Variants in KHDRBS2 observed in about 807,000 individuals in gnomAD.
KHDRBS2 encodes KH RNA binding domain containing, signal transduction associated 2, also known as KH domain-containing, RNA-binding, signal transduction-associated protein 2.
A neutral mutation model predicts 44.3 loss-of-function variants in KHDRBS2; 26 were observed. The ratio of observed to expected loss-of-function variants is 0.59; its 90% CI spans 0.43 to 0.81. The LOEUF is 0.81. Among genes scored for constraint, KHDRBS2 ranks in the 40% least tolerant of loss-of-function variants. KHDRBS2 has a pLI of 0.00. For synonymous variants in KHDRBS2, 194 were observed against 151.1 expected, an observed-to-expected ratio of 1.28 and a Z score of -2.08; for missense variants, 476 against 433.1, an observed-to-expected ratio of 1.10 and a Z score of -0.88.
At chr6:62,087,270 G>A (rs1203105342) in intron 2 of KHDRBS2, among the ~76,000 whole-genome samples, 3 of 151,978 alleles carry the variant, frequency 2.0e-5, no homozygotes, top group Non-Finnish European at 4.4e-5. Context: ...TGTTTTTCAC[G>A]ATTCTAAACA....
intron 6 of KHDRBS2, among the ~76,000 whole-genome samples, chr6:61,779,042 G>A (rs1329069116): frequency 2.6e-5 from 4 of 152,084 alleles, no homozygotes; most frequent in African/African-American, 9.7e-5. Context: ...TTTAAGGAAA[G>A]AACTGGGGGC....
chr6:61,652,137 T>G, the KHDRBS2 span: 1 of 152,106 alleles, frequency 6.6e-6, no homozygotes, highest in Non-Finnish European at 1.5e-5. Context: ...CTCCTCTCTA[T>G]GCTTTTTGTT....
chr6:62,016,409 C>T (rs987118029), intron 3 of KHDRBS2, among the ~76,000 whole-genome samples: 2 of 151,356 alleles, frequency 1.3e-5, no homozygotes, highest in African/African-American at 4.9e-5. Context: ...TACTTGATAA[C>T]TGTTGACTTT....
chr6:61,560,432 A>T, the KHDRBS2 span, among the ~76,000 whole-genome samples: 1 of 152,044 alleles, frequency 6.6e-6, no homozygotes, highest in South Asian at 2.1e-4. Flanking sequence ...TAAGTCCAAC[A>T]ACTCTTAGGT....
At chr6:61,850,772 C>T (rs1271980855) in intron 6 of KHDRBS2, among the ~76,000 whole-genome samples, 1 of 152,018 alleles carries the variant, frequency 6.6e-6, no homozygotes, top group Admixed American at 6.6e-5. Flanking sequence ...TGAGGCAATA[C>T]CTTTGAAGGA....
chr6:61,944,832 T>C (rs568784363), intron 4 of KHDRBS2, among the ~76,000 whole-genome samples: 1 of 151,774 alleles, frequency 6.6e-6, no homozygotes, highest in African/African-American at 2.4e-5. Context: ...GGCTCACGCC[T>C]GAAATCCCAG....
At chr6:61,981,010 T>G (rs1267956048) in intron 3 of KHDRBS2, among the ~76,000 whole-genome samples, 1 of 152,138 alleles carries the variant, frequency 6.6e-6, no homozygotes. Flanking sequence ...TGCCCTCTCA[T>G]AAATACATAT....
intron 1 of KHDRBS2, among the ~76,000 whole-genome samples, chr6:62,181,026 C>CA (rs58140494): frequency 5.1e-4 from 70 of 138,236 alleles, no homozygotes; most frequent in East Asian, 3.6e-3. Flanking sequence ...TTACACTGCA[C>CA]AAAAAAAAAA....
the KHDRBS2 span, among the ~76,000 whole-genome samples, chr6:61,554,890 T>A: frequency 6.6e-6 from 1 of 152,218 alleles, no homozygotes; most frequent in Admixed American, 6.5e-5. Flanking sequence ...GTTAGCCTGA[T>A]GGGGTTCCCT....
At chr6:62,070,571 T>C (rs1794796909) in intron 2 of KHDRBS2, among the ~76,000 whole-genome samples, 1 of 151,926 alleles carries the variant, frequency 6.6e-6, no homozygotes, top group South Asian at 2.1e-4. Context: ...TTCCCACCTA[T>C]GAGTGAGAAC....
chr6:62,113,063 G>A (rs1424793857), intron 2 of KHDRBS2, among the ~76,000 whole-genome samples: 1 of 151,988 alleles, frequency 6.6e-6, no homozygotes, highest in Non-Finnish European at 1.5e-5. Flanking sequence ...TTTGGTTAAA[G>A]CCAATGAAGC....
In KHDRBS2 at chr6:61,927,257, G is replaced by T. The variant is rs1311169493; in HGVS notation, c.484-25886C>A. Reference sequence around the variant, plus strand: ...GAAAGTACAACTTTGGCACATAATAGATTTACAGATTTATTTTCAAAAAAC... The same window carrying T: ...GAAAGTACAACTTTGGCACATAATATATTTACAGATTTATTTTCAAAAAAC... On this transcript the variant is annotated intron_variant, in intron 4 of 8. Transcript: ENST00000281156. 2.6e-5 allele frequency among the ~76,000 whole-genome samples: 4 copies of T among 151,946 alleles called. No homozygotes were observed. In the East Asian group the frequency reaches 7.7e-4, roughly 29 times the overall value.
intron 2 of KHDRBS2, among the ~76,000 whole-genome samples, chr6:62,132,837 A>C (rs1810647252): frequency 6.6e-6 from 1 of 152,342 alleles, no homozygotes; most frequent in East Asian, 1.9e-4. Context: ...CATCAAGCCC[A>C]GAAATCATAT....
At chr6:61,845,606 C>T (rs1292810193) in intron 6 of KHDRBS2, among the ~76,000 whole-genome samples, 1 of 152,162 alleles carries the variant, frequency 6.6e-6, no homozygotes, top group Non-Finnish European at 1.5e-5. Flanking sequence ...CTGCACACGG[C>T]CCAATGAGGG....
chr6:62,093,625 T>C (rs1007109455), intron 2 of KHDRBS2, among the ~76,000 whole-genome samples: 4 of 152,014 alleles, frequency 2.6e-5, no homozygotes, highest in Non-Finnish European at 5.9e-5. Flanking sequence ...TTGGGGCTTG[T>C]TGACCAATCT....
chr6:61,667,883 T>C, the KHDRBS2 span, among the ~76,000 whole-genome samples: 1 of 151,236 alleles, frequency 6.6e-6, no homozygotes, highest in Non-Finnish European at 1.5e-5. Context: ...ATCATTTGAA[T>C]ATTACTTAAA....
intron 3 of KHDRBS2, among the ~76,000 whole-genome samples, chr6:62,033,940 G>A (rs1441167046): frequency 1.3e-5 from 2 of 151,334 alleles, no homozygotes; most frequent in African/African-American, 2.4e-5. Context: ...GAGAGAGAGA[G>A]AGAGAAGGTC....
the KHDRBS2 span, among the ~76,000 whole-genome samples, chr6:61,550,904 T>C: frequency 6.6e-6 from 1 of 151,760 alleles, no homozygotes; most frequent in Non-Finnish European, 1.5e-5. Flanking sequence ...CCCAAGTAGC[T>C]GGGACTACAA....
At chr6:61,908,633 CAAAA>C (rs11290284) in intron 4 of KHDRBS2, among the ~76,000 whole-genome samples, 3 of 110,630 alleles carry the variant, frequency 2.7e-5, no homozygotes, top group Admixed American at 9.1e-5. Context: ...GATTCCGTCT[CAAAA>C]AAAAAAAAAA....
Sources: allele counts gnomAD v4.1 joint callset (sites outside exome capture counted in the v4.1 genomes callset), GRCh38; gene constraint gnomAD v4.1.1; transcripts MANE v1.5; gene names NCBI Gene and HGNC (gene_info 2026-07-23, HGNC 2026-07-21).